MEGF10: variants seen among roughly 807,000 people sequenced by gnomAD.
The protein encoded by MEGF10 is multiple epidermal growth factor-like domains protein 10.
Under a neutral mutation model 147.5 loss-of-function variants are expected in MEGF10, and 86 were observed. That is an observed-to-expected ratio of 0.58 (90% CI 0.49 to 0.70). MEGF10 has a LOEUF of 0.70. Among genes scored for constraint, MEGF10 ranks in the 30% least tolerant of loss-of-function variants. MEGF10 has a pLI of 0.00. For synonymous variants in MEGF10, 478 were observed against 525.5 expected, an observed-to-expected ratio of 0.91 and a Z score of 1.24; for missense variants, 1,329 against 1,487.3, an observed-to-expected ratio of 0.89 and a Z score of 1.75.
At chr5:127,271,521 T>C in the MEGF10 span, among the ~76,000 whole-genome samples, 1 of 152,040 alleles carries the variant, frequency 6.6e-6, no homozygotes, top group Non-Finnish European at 1.5e-5. Flanking sequence ...GTTTACTCTG[T>C]TTGATATGGT....
intron 12 of MEGF10, among the ~76,000 whole-genome samples, chr5:127,420,635 G>C (rs985705715): frequency 6.6e-6 from 1 of 152,112 alleles, no homozygotes; most frequent in Non-Finnish European, 1.5e-5. Context: ...GCTCATGGAA[G>C]TGTTGAAAGA....
At chr5:127,233,843 A>G in the MEGF10 span, among the ~76,000 whole-genome samples, 1 of 152,096 alleles carries the variant, frequency 6.6e-6, no homozygotes, top group African/African-American at 2.4e-5. Flanking sequence ...AGGTGGCCCT[A>G]GTAATAGGGT....
intron 9 of MEGF10, among the ~76,000 whole-genome samples, chr5:127,416,986 C>T (rs545660403): frequency 1.3e-5 from 2 of 152,386 alleles, no homozygotes; most frequent in East Asian, 3.9e-4. Flanking sequence ...TTTAAACAGT[C>T]TTCCTCTTGT....
the MEGF10 span, among the ~76,000 whole-genome samples, chr5:127,258,729 T>C: frequency 6.6e-6 from 1 of 152,194 alleles, no homozygotes; most frequent in Non-Finnish European, 1.5e-5. Flanking sequence ...ATTTGCTCTC[T>C]CTTGCTCTCT....
intron 16 of MEGF10, among the ~76,000 whole-genome samples, chr5:127,437,947 A>G (rs1344815468): frequency 6.6e-6 from 1 of 152,182 alleles, no homozygotes; most frequent in Non-Finnish European, 1.5e-5. Context: ...TCAGAGGAGT[A>G]GCTCCCAAAA....
rs372002634 is a variant in MEGF10, at chr5:127,419,110, G to T, written c.1306-10G>T. ...AAATTGAATGCATTTTGCTACTTGT[G>T]CCTGTCTAGGGAATTGACTGCTCTA... On this transcript the variant is annotated splice_polypyrimidine_tract_variant and intron_variant, in intron 10 of 24. Transcript: ENST00000503335. 6.3e-6 allele frequency: 10 copies of T among 1,595,492 alleles called. No homozygotes were observed. The African/African-American group carries it at 1.1e-4, about 17-fold the overall frequency.
At chr5:127,414,475 A>G (rs1764682517) in intron 9 of MEGF10, among the ~76,000 whole-genome samples, 1 of 152,184 alleles carries the variant, frequency 6.6e-6, no homozygotes, top group Non-Finnish European at 1.5e-5. Context: ...CACTTACAAT[A>G]TCATCACAAA....
At chr5:127,431,428 T>C (rs750840420) in intron 13 of MEGF10, among the ~76,000 whole-genome samples, 17 of 152,362 alleles carry the variant, frequency 1.1e-4, no homozygotes, top group East Asian at 1.9e-4. Flanking sequence ...ATTTGGCAAG[T>C]AGTTGATAAA....
At chr5:127,392,773 A>G (rs541068588) in intron 5 of MEGF10, among the ~76,000 whole-genome samples, 63 of 152,314 alleles carry the variant, frequency 4.1e-4, no homozygotes, top group African/African-American at 1.3e-3. Flanking sequence ...GTTCTCTACT[A>G]GTTTTCACTT....
chr5:127,383,884 C>T (rs1763340338), intron 5 of MEGF10, among the ~76,000 whole-genome samples: 1 of 152,162 alleles, frequency 6.6e-6, no homozygotes, highest in South Asian at 2.1e-4. Flanking sequence ...CATATTAAAT[C>T]TTTCAGACCA....
intron 6 of MEGF10, among the ~76,000 whole-genome samples, chr5:127,397,389 C>T (rs1763959452): frequency 6.6e-6 from 1 of 152,166 alleles, no homozygotes; most frequent in South Asian, 2.1e-4. Flanking sequence ...TTCTGAGGAA[C>T]ATTCAAGCAA....
intron 1 of MEGF10, among the ~76,000 whole-genome samples, chr5:127,318,396 A>C (rs1347264503): frequency 6.6e-6 from 1 of 152,222 alleles, no homozygotes; most frequent in Non-Finnish European, 1.5e-5. Flanking sequence ...ATCCAACCAA[A>C]AAAGTGGCCA....
At chr5:127,445,783 C>T in intron 20 of MEGF10, 90 bp downstream of exon 20, 1 of 912,818 alleles carries the variant, frequency 1.1e-6, no homozygotes, top group Non-Finnish European at 1.8e-6. Flanking sequence ...CTGTGCTGTC[C>T]ATTGTTTCTG....
intron 18 of MEGF10, among the ~76,000 whole-genome samples, chr5:127,441,349 C>T (rs945466678): frequency 6.6e-6 from 1 of 152,290 alleles, no homozygotes; most frequent in African/African-American, 2.4e-5. Context: ...TTCTCTAGAT[C>T]GTACTTTTAT....
At chr5:127,358,873 C>T (rs1014698916) in intron 4 of MEGF10, among the ~76,000 whole-genome samples, 1 of 152,142 alleles carries the variant, frequency 6.6e-6, no homozygotes, top group African/African-American at 2.4e-5. Context: ...TTAAATCTGA[C>T]TCAACCTATA....
intron 7 of MEGF10, among the ~76,000 whole-genome samples, chr5:127,402,091 C>G (rs1226895220): frequency 1.3e-5 from 2 of 152,180 alleles, no homozygotes; most frequent in Non-Finnish European, 2.9e-5. Flanking sequence ...CATGTATTTT[C>G]TCTAGAACAC....
intron 5 of MEGF10, among the ~76,000 whole-genome samples, chr5:127,387,718 A>G (rs898764469): frequency 6.6e-6 from 1 of 152,232 alleles, no homozygotes; most frequent in African/African-American, 2.4e-5. Flanking sequence ...CATTTTGCAA[A>G]TGGAAATATT....
chr5:127,247,445 A>G, the MEGF10 span, among the ~76,000 whole-genome samples: 14 of 124,092 alleles, frequency 1.1e-4, no homozygotes, highest in African/African-American at 2.1e-4. Context: ...AAGAAGAAGA[A>G]GAAGAAGAAG....
chr5:127,385,496 C>A (rs1020540919), intron 5 of MEGF10, among the ~76,000 whole-genome samples: 1 of 151,564 alleles, frequency 6.6e-6, no homozygotes, highest in South Asian at 2.1e-4. Context: ...TGGTCTCATA[C>A]TCCTGACCTC....
Sources: allele counts gnomAD v4.1 joint callset (sites outside exome capture counted in the v4.1 genomes callset), GRCh38; gene constraint gnomAD v4.1.1; transcripts MANE v1.5; gene names NCBI Gene and HGNC (gene_info 2026-07-23, HGNC 2026-07-21).